Variants in ATP8A2 observed in about 807,000 individuals in gnomAD.
The protein encoded by ATP8A2 is ATPase phospholipid transporting 8A2, also known as phospholipid-transporting ATPase IB.
A neutral mutation model predicts 165.6 loss-of-function variants in ATP8A2; 100 were observed. The ratio of observed to expected loss-of-function variants is 0.60; its 90% CI spans 0.51 to 0.71. ATP8A2 has a LOEUF of 0.71. Ranked by LOEUF, ATP8A2 falls within the 30% of genes least tolerant of loss-of-function variation. The pLI, the probability that ATP8A2 is intolerant of heterozygous loss-of-function variation, is 0.00. For synonymous variants in ATP8A2, 543 were observed against 548.8 expected, an observed-to-expected ratio of 0.99 and a Z score of 0.15; for missense variants, 1,227 against 1,479.5, an observed-to-expected ratio of 0.83 and a Z score of 2.80.
At chr13:25,388,660 C>G (rs550060112) in intron 1 of ATP8A2, among the ~76,000 whole-genome samples, 1 of 152,248 alleles carries the variant, frequency 6.6e-6, no homozygotes, top group African/African-American at 2.4e-5. Context: ...ACTACCAGGC[C>G]CAGGTGTGGC....
At chr13:25,515,119 GC>G (rs2037424144) in intron 2 of ATP8A2, among the ~76,000 whole-genome samples, 2 of 152,166 alleles carry the variant, frequency 1.3e-5, no homozygotes, top group Non-Finnish European at 2.9e-5. Context: ...AGCTCCTCCT[GC>G]CCGACAATCT....
At chr13:25,761,411 A>G (rs1252607205) in intron 25 of ATP8A2, among the ~76,000 whole-genome samples, 3 of 152,162 alleles carry the variant, frequency 2.0e-5, no homozygotes, top group East Asian at 3.9e-4. Flanking sequence ...TTGTAGTGCA[A>G]AGATATTACA....
intron 2 of ATP8A2, among the ~76,000 whole-genome samples, chr13:25,513,619 A>G (rs1478680461): frequency 6.6e-6 from 1 of 151,876 alleles, no homozygotes; most frequent in African/African-American, 2.4e-5. Flanking sequence ...TGGGAGGTGG[A>G]GGTTGTAGCG....
chr13:25,722,912 T>C (rs1220084054), intron 25 of ATP8A2, among the ~76,000 whole-genome samples: 2 of 152,232 alleles, frequency 1.3e-5, no homozygotes, highest in East Asian at 3.8e-4. Flanking sequence ...ATCAAGTACA[T>C]GAAATTTGAA....
At chr13:25,872,750 T>C (rs1226941616) in intron 33 of ATP8A2, among the ~76,000 whole-genome samples, 2 of 152,344 alleles carry the variant, frequency 1.3e-5, no homozygotes, top group East Asian at 1.9e-4. Flanking sequence ...GGGAGACTTA[T>C]GTATAATTTT....
chr13:25,533,954 G>A (rs1363679104), intron 6 of ATP8A2, among the ~76,000 whole-genome samples: 1 of 152,188 alleles, frequency 6.6e-6, no homozygotes, highest in Non-Finnish European at 1.5e-5. Context: ...GACACAAGAT[G>A]TGTTGGGGGA....
At chr13:25,711,916 T>A (rs2043166987) in intron 25 of ATP8A2, among the ~76,000 whole-genome samples, 1 of 152,162 alleles carries the variant, frequency 6.6e-6, no homozygotes, top group Non-Finnish European at 1.5e-5. Context: ...TTTCCAGCAT[T>A]GTGAGATGTT....
intron 2 of ATP8A2, among the ~76,000 whole-genome samples, chr13:25,516,057 G>A (rs533980862): frequency 6.6e-6 from 1 of 152,272 alleles, no homozygotes; most frequent in East Asian, 1.9e-4. Flanking sequence ...TACAACATGA[G>A]GGACGGATAG....
intron 24 of ATP8A2, among the ~76,000 whole-genome samples, chr13:25,687,788 A>G (rs193181420): frequency 1.3e-5 from 2 of 152,302 alleles, no homozygotes; most frequent in Non-Finnish European, 2.9e-5. Flanking sequence ...CTGTTATCAC[A>G]GGCAGAGGTG....
intron 36 of ATP8A2, among the ~76,000 whole-genome samples, chr13:26,013,296 G>A (rs1413817217): frequency 6.6e-6 from 1 of 151,900 alleles, no homozygotes; most frequent in Non-Finnish European, 1.5e-5. Context: ...CCCCCATCAC[G>A]TGCACACGCC....
chr13:25,513,926 C>T (rs569437558), intron 2 of ATP8A2, among the ~76,000 whole-genome samples: 6 of 136,320 alleles, frequency 4.4e-5, no homozygotes, highest in Non-Finnish European at 6.2e-5. Flanking sequence ...AGCTTTGGCT[C>T]GGCATCAGAG....
chr13:25,846,802 G>A (rs1452709349), intron 30 of ATP8A2, among the ~76,000 whole-genome samples: 1 of 152,124 alleles, frequency 6.6e-6, no homozygotes, highest in Non-Finnish European at 1.5e-5. Flanking sequence ...ATGGGTTGGA[G>A]GCAAAGCTAG....
At chr13:25,924,462 G>T (rs1278146641) in intron 33 of ATP8A2, among the ~76,000 whole-genome samples, 1 of 151,880 alleles carries the variant, frequency 6.6e-6, no homozygotes. Flanking sequence ...TCCTCTTCAC[G>T]TGCGGGCCTT....
intron 1 of ATP8A2, among the ~76,000 whole-genome samples, chr13:25,427,807 T>G (rs1296918408): frequency 6.6e-6 from 1 of 151,926 alleles, no homozygotes; most frequent in Non-Finnish European, 1.5e-5. Flanking sequence ...GGCAGGAGAA[T>G]TGTTTGAACC....
At chr13:25,385,530 A>G (rs1229838604) in intron 1 of ATP8A2, among the ~76,000 whole-genome samples, 1 of 152,248 alleles carries the variant, frequency 6.6e-6, no homozygotes, top group Non-Finnish European at 1.5e-5. Flanking sequence ...ATTAAAAAAG[A>G]CATTGTTATT....
rs1001290877 is a variant in ATP8A2 at position 25,469,257 on chromosome 13, C to A, written c.221+136C>A. On this transcript the variant is annotated intron_variant, in intron 2 of 36. Transcript: ENST00000381655. Reference sequence around the variant, plus strand: ...CCCCAGAGCCTTCCCCTGCCCCCTCCCCACCCCACTAGCCCGCGGTGCAGC... The same window carrying A: ...CCCCAGAGCCTTCCCCTGCCCCCTCACCACCCCACTAGCCCGCGGTGCAGC... 4.5e-6 allele frequency: 5 copies of A among 1,107,724 alleles called. No homozygotes were observed. In the African/African-American group the frequency reaches 7.8e-5, roughly 17 times the overall value. The allele number at this position is 1,107,724 out of a possible 1,614,324, so 68.6% of individuals were successfully genotyped here.
In ATP8A2 at chr13:25,936,343, T is replaced by C. The variant is rs541521369; in HGVS notation, c.3184-25232T>C. ...AGATGTTGGGGATTATAGGGAAGGA[T>C]TCGGGAGGCCATGGGCCTGAGTGTC... On this transcript the variant is annotated intron_variant, in intron 33 of 36. Coordinates refer to ENST00000381655, the MANE Select transcript of ATP8A2 (RefSeq NM_016529.6). 2.6e-5 allele frequency among the ~76,000 whole-genome samples: 4 copies of C among 152,284 alleles called. No homozygotes were observed. The East Asian group carries it at 7.7e-4, about 29-fold the overall frequency.
At chr13:25,399,857 CTTT>C (rs1336577798) in intron 1 of ATP8A2, among the ~76,000 whole-genome samples, 6 of 150,096 alleles carry the variant, frequency 4.0e-5, no homozygotes, top group South Asian at 4.2e-4. Context: ...TCCCCCTCCT[CTTT>C]CATCTTCTTC....
chr13:25,580,826 C>G (rs1204404182), intron 22 of ATP8A2, among the ~76,000 whole-genome samples: 1 of 152,174 alleles, frequency 6.6e-6, no homozygotes, highest in Non-Finnish European at 1.5e-5. Context: ...CAGGTGTGAG[C>G]CACCATGTCT....
Sources: allele counts gnomAD v4.1 joint callset (sites outside exome capture counted in the v4.1 genomes callset), GRCh38; gene constraint gnomAD v4.1.1; transcripts MANE v1.5; gene names NCBI Gene and HGNC (gene_info 2026-07-23, HGNC 2026-07-21).